Variants in NPAS3 observed in about 807,000 individuals in gnomAD.
NPAS3 encodes neuronal PAS domain protein 3.
Under a neutral mutation model 73.1 loss-of-function variants are expected in NPAS3, and 14 were observed. That is an observed-to-expected ratio of 0.19 (90% CI 0.13 to 0.30). The LOEUF is 0.30. NPAS3 is among the 10% of genes least tolerant of loss of function. The probability of loss-of-function intolerance (pLI) is 1.00; values close to 1 mark genes in which losing one functional copy is unlikely to be tolerated. For synonymous variants in NPAS3, 620 were observed against 541.5 expected, an observed-to-expected ratio of 1.14 and a Z score of -2.01; for missense variants, 1,096 against 1,250.0, an observed-to-expected ratio of 0.88 and a Z score of 1.86.
intron 4 of NPAS3, among the ~76,000 whole-genome samples, chr14:33,527,997 T>C (rs1410601904): frequency 6.6e-6 from 1 of 152,104 alleles, no homozygotes; most frequent in Admixed American, 6.6e-5. Context: ...ACCTAAAACC[T>C]GCCACACCTT....
chr14:33,613,209 G>A lies in NPAS3; in HGVS notation c.558+52999G>A, dbSNP rs1191844658. Among the ~76,000 whole-genome samples the A allele has an allele frequency of 2.0e-5, 3 of 152,258 alleles. No homozygotes were observed. In the East Asian group the frequency reaches 5.8e-4, roughly 29 times the overall value. ...GCCAACTGGAGGGCACCTGCTCCTG[G>A]CCCTACAAACCCTGCCTTTCAGAAG... On this transcript the variant is annotated intron_variant, in intron 5 of 11. Transcript: ENST00000356141.
intron 5 of NPAS3, among the ~76,000 whole-genome samples, chr14:33,658,798 T>C (rs2059223090): frequency 6.6e-6 from 1 of 152,138 alleles, no homozygotes; most frequent in South Asian, 2.1e-4. Context: ...CCCATCTTCA[T>C]CCCCCACTAA....
rs544907499 is a variant in NPAS3, at chr14:33,526,137, T to TA, written c.469-33983dup. On this transcript the variant is annotated intron_variant, in intron 4 of 11. Transcript: ENST00000356141. ...CTACCGGTATTCCAGCCTTAGAACTTACCGGGAGTACCTGGAATGCATTTC... is the reference window on the plus strand; with the variant it reads ...CTACCGGTATTCCAGCCTTAGAACTTAACCGGGAGTACCTGGAATGCATTTC... Among the ~76,000 whole-genome samples, 338 of 152,280 alleles carry TA rather than the reference T, an allele frequency of 2.2e-3. 2 individuals carry two copies. The highest frequency in any genetic ancestry group is 7.8e-3 in the African/African-American group (325 of 41,580).
chr14:33,333,381 G>T (rs2140284204), intron 3 of NPAS3, among the ~76,000 whole-genome samples: 1 of 152,298 alleles, frequency 6.6e-6, no homozygotes, highest in East Asian at 1.9e-4. Flanking sequence ...CTAAAGAGCT[G>T]ATTTTTATAT....
At chr14:33,245,922 G>A (rs968056003) in intron 3 of NPAS3, among the ~76,000 whole-genome samples, 14 of 41,588 alleles carry the variant, frequency 3.4e-4, no homozygotes, top group African/African-American at 8.6e-4. Context: ...TTAGCAATAG[G>A]TGTTTTTTTT....
chr14:33,023,368 A>G (rs2039678050), intron 1 of NPAS3, among the ~76,000 whole-genome samples: 1 of 152,154 alleles, frequency 6.6e-6, no homozygotes, highest in Non-Finnish European at 1.5e-5. Context: ...TTTTGGAATG[A>G]ATATTTTTTT....
At chr14:33,349,060 G>A (rs2044891463) in intron 3 of NPAS3, among the ~76,000 whole-genome samples, 1 of 152,124 alleles carries the variant, frequency 6.6e-6, no homozygotes, top group South Asian at 2.1e-4. Context: ...AAAGCTCATG[G>A]GGGAGTTCTG....
At chr14:33,116,540 T>C (rs1196668087) in intron 2 of NPAS3, among the ~76,000 whole-genome samples, 1 of 152,186 alleles carries the variant, frequency 6.6e-6, no homozygotes, top group African/African-American at 2.4e-5. Flanking sequence ...ATAAGTGCTA[T>C]ATTATAGCAA....
chr14:33,726,474 A>G (rs2061267342), intron 6 of NPAS3, among the ~76,000 whole-genome samples: 1 of 152,164 alleles, frequency 6.6e-6, no homozygotes, highest in African/African-American at 2.4e-5. Context: ...CATAAGAATC[A>G]TGAGCACGGA....
chr14:33,803,562 T>A (rs545684270), downstream of NPAS3: 4 of 152,192 alleles, frequency 2.6e-5, no homozygotes, highest in African/African-American at 9.7e-5. Context: ...ATCAAAGGAA[T>A]GCACCTATCA....
chr14:33,418,751 G>A lies in NPAS3; in HGVS notation c.468+51483G>A, dbSNP rs531978828. Among the ~76,000 whole-genome samples the A allele has an allele frequency of 7.2e-5, 11 of 151,914 alleles. No homozygotes were observed. The South Asian group carries it at 1.9e-3, about 26-fold the overall frequency. Reference sequence around the variant, plus strand: ...GAAACACTTGCATTTGAATATTTCCGCAATCATTGATCTTCCATGCAGGGC... The same window carrying A: ...GAAACACTTGCATTTGAATATTTCCACAATCATTGATCTTCCATGCAGGGC... On this transcript the variant is annotated intron_variant, in intron 4 of 11. Coordinates refer to ENST00000356141, the Ensembl canonical transcript of NPAS3.
intron 5 of NPAS3, among the ~76,000 whole-genome samples, chr14:33,605,499 CA>C (rs1475747669): frequency 1.3e-5 from 2 of 149,780 alleles, no homozygotes; most frequent in Non-Finnish European, 3.0e-5. Context: ...GTTGAATCCA[CA>C]AAAGACTACT....
intron 1 of NPAS3, among the ~76,000 whole-genome samples, chr14:33,025,909 A>T: frequency 6.6e-6 from 1 of 152,218 alleles, no homozygotes; most frequent in East Asian, 1.9e-4. Flanking sequence ...ATGCTTTTAT[A>T]GCAGTGTGAG....
chr14:32,967,922 T>A (rs1462903650), intron 1 of NPAS3, among the ~76,000 whole-genome samples: 1 of 55,588 alleles, frequency 1.8e-5, no homozygotes, highest in Non-Finnish European at 3.5e-5. Context: ...AGTGTGTGTG[T>A]GTGTCATTTG....
downstream of NPAS3, chr14:33,801,193 T>C (rs1170132288): frequency 1.3e-5 from 20 of 1,509,648 alleles, no homozygotes; most frequent in South Asian, 2.5e-5. Flanking sequence ...ATTCTAGCAC[T>C]TTGAATTCGA....
intron 4 of NPAS3, among the ~76,000 whole-genome samples, chr14:33,506,260 C>A (rs1483996870): frequency 6.6e-6 from 1 of 151,936 alleles, no homozygotes; most frequent in Non-Finnish European, 1.5e-5. Flanking sequence ...TAGAACAGAG[C>A]CTGGCATATA....
At chr14:33,348,404 T>C (rs1459196488) in intron 3 of NPAS3, among the ~76,000 whole-genome samples, 2 of 152,186 alleles carry the variant, frequency 1.3e-5, no homozygotes, top group Non-Finnish European at 1.5e-5. Flanking sequence ...TTAAACCCTA[T>C]GTAGATAGGG....
rs556979318 is a variant in NPAS3, at chr14:33,125,567, C to G, written c.140+69573C>G. On this transcript the variant is annotated intron_variant, in intron 2 of 11. Coordinates refer to ENST00000356141, the Ensembl canonical transcript of NPAS3. ...GACGTTACTCACCTCTGAACTTTAT[C>G]GAGAACTGATGATTCCATAGAAATC... 9.9e-5 allele frequency among the ~76,000 whole-genome samples: 15 copies of G among 152,180 alleles called. No individual in the cohort carries two copies. In the East Asian group the frequency reaches 2.7e-3, roughly 28 times the overall value.
chr14:33,260,722 T>C (rs148910304), intron 3 of NPAS3, among the ~76,000 whole-genome samples: 76 of 152,300 alleles, frequency 5.0e-4, no homozygotes, highest in African/African-American at 1.7e-3. Flanking sequence ...ACAAACCAAA[T>C]ATCATTCATC....
Sources: gnomAD v4.1 joint callset for allele counts (sites outside exome capture counted in the v4.1 genomes callset) on GRCh38, gnomAD v4.1.1 for gene constraint, MANE v1.5 for transcripts, NCBI Gene and HGNC (gene_info 2026-07-23, HGNC 2026-07-21) for gene names.